KMT2A: variants seen among roughly 807,000 people sequenced by gnomAD.
The protein encoded by KMT2A is histone-lysine N-methyltransferase 2A.
In KMT2A, 16 loss-of-function variants were observed where a neutral mutation model predicts 345.3. The observed-to-expected ratio is 0.05, with a 90% CI of 0.03 to 0.07. KMT2A has a LOEUF of 0.07. Ranked by LOEUF, KMT2A falls within the 10% of genes least tolerant of loss-of-function variation. The probability of loss-of-function intolerance (pLI) is 1.00; values close to 1 mark genes in which losing one functional copy is unlikely to be tolerated. For missense variants in KMT2A, 3,272 were observed against 4,841.6 expected (o/e 0.68, Z 9.62); for synonymous variants, 1,599 against 1,778.6 (o/e 0.90, Z 2.54).
chr11:118,446,226 G>T (rs1476900699), intron 1 of KMT2A, among the ~76,000 whole-genome samples: 2 of 152,020 alleles, frequency 1.3e-5, no homozygotes, highest in Admixed American at 6.6e-5. Context: ...GTGCACACCT[G>T]CAATCCCAGC....
At position 118,501,734 on chromosome 11, in the gene KMT2A, C is replaced by T. The variant is rs1555045733; in HGVS notation, c.6382C>T (p.Pro2128Ser). The change falls in exon 26 of 36, where the codon CCT becomes TCT. Residue 2128 changes from proline to serine, a missense_variant. Transcript: ENST00000534358. Reference sequence around the variant, plus strand: ...TATAAGTCCTCCATCACCAGACCGACCTCCTCATTCACAAACCTCTGGCTC... The same window carrying T: ...TATAAGTCCTCCATCACCAGACCGATCTCCTCATTCACAAACCTCTGGCTC... ...EIISPPSPDRPPHSQTSGSCY... is the reference protein window; with the variant it reads ...EIISPPSPDRSPHSQTSGSCY... The T allele has an allele frequency of 6.2e-7, 1 of 1,614,084 alleles. No individual in the cohort carries two copies. Among genetic ancestry groups the T allele is most frequent in the African/African-American group, 1.3e-5 (1 of 75,020 alleles).
chr11:118,499,878 C>T lies in KMT2A; in HGVS notation c.6123C>T (p.Ser2041=), dbSNP rs546635239. 4.9e-5 allele frequency: 79 copies of T among 1,612,742 alleles called. No individual in the cohort carries two copies. The African/African-American group carries it at 9.1e-4, about 19-fold the overall frequency. The change falls in exon 24 of 36, where the codon TCC becomes TCT. Residue 2041 remains serine, a synonymous_variant. Transcript: ENST00000534358. ...IDCLGILNDL[S]DCEDKLFPIG... ...GCTTAGGAATTCTAAATGATCTCTCCGACTGTGAAGATAAGCTCTTTCCTA... is the reference window on the plus strand; with the variant it reads ...GCTTAGGAATTCTAAATGATCTCTCTGACTGTGAAGATAAGCTCTTTCCTA...
Position 118,519,367 on chromosome 11 carries a change from A to C in KMT2A, c.11147-251A>C, listed in dbSNP as rs9332858. On this transcript the variant is annotated intron_variant, in intron 31 of 35. Coordinates refer to ENST00000534358, the MANE Select transcript of KMT2A (RefSeq NM_001197104.2). ...TAGCATATAGCATTTCTGTGTAATA[A>C]AGCAAAATAGTCCATAGTTTGGTGG... 34,500 of 420,912 alleles carry C rather than the reference A, an allele frequency of 0.082. 2,352 individuals are homozygous for C. Among genetic ancestry groups the C allele is most frequent in the African/African-American group, 0.24 (12,365 of 51,202 alleles). The allele number at this position is 420,912 out of a possible 1,614,324, so 26.1% of individuals were successfully genotyped here.
chr11:118,481,815 C>T lies in KMT2A; in HGVS notation c.3735C>T (p.Thr1245=). ...KNVVDSSQKP[T]PSAREDPAPK... ...TGGTGGACTCTAGTCAGAAACCTAC[C>T]CCATCAGCAAGAGAGGATCCTGCCC... Residue 1245 remains threonine, a synonymous_variant, in exon 7 of 36, where the codon ACC becomes ACT. Transcript: ENST00000534358. 7 of 1,614,038 alleles carry T rather than the reference C, an allele frequency of 4.3e-6. No individual in the cohort carries two copies.
At position 118,497,387 on chromosome 11, in the gene KMT2A, T is replaced by G. The variant is rs1168754922; in HGVS notation, c.5665-549T>G. On this transcript the variant is annotated intron_variant, in intron 20 of 35. Transcript: ENST00000534358. The surrounding 1 kb of genome is among the most constrained non-coding windows in gnomAD (Gnocchi z 4.8). ...TGCACATTTTTATAAACTTACCACC[T>G]ATTGCTCTTTTTGTTTGTTTCCTTT... is the stretch of plus-strand genomic sequence containing the variant. Among the ~76,000 whole-genome samples, 2 of 152,156 alleles carry G rather than the reference T, an allele frequency of 1.3e-5. No individual in the cohort carries two copies. The highest frequency in any genetic ancestry group is 2.9e-5 in the Non-Finnish European group (2 of 68,020).
rs923423325 is a variant in KMT2A at position 118,436,991 on chromosome 11, G to A, written c.432+47G>A. ...AGGTCCGGGGTCTCGACCCTCTGCG[G>A]AGCCCCCTCCCCTCCCCCATCCGGG... On this transcript the variant is annotated intron_variant, in intron 1 of 35. Coordinates refer to ENST00000534358, the MANE Select transcript of KMT2A (RefSeq NM_001197104.2). The surrounding 1 kb of genome is among the most constrained non-coding windows in gnomAD (Gnocchi z 6.9). 2 of 1,380,362 alleles carry A rather than the reference G, an allele frequency of 1.4e-6. No individual in the cohort carries two copies. Among genetic ancestry groups the A allele is most frequent in the East Asian group, 5.9e-5 (2 of 34,048 alleles). The allele number at this position is 1,380,362 out of a possible 1,614,324, so 85.5% of individuals were successfully genotyped here. A position where few individuals can be genotyped will look rare whatever the true frequency, so the allele number is the denominator to read the frequency against.
intron 31 of KMT2A, among the ~76,000 whole-genome samples, chr11:118,516,483 A>G (rs1555051600): frequency 6.6e-6 from 1 of 152,176 alleles, no homozygotes; most frequent in African/African-American, 2.4e-5. Context: ...AAATTAAATT[A>G]ACTATGTTTT....
In KMT2A at chr11:118,482,640, T is replaced by C. The variant is rs1167891043; in HGVS notation, c.4086+145T>C. On this transcript the variant is annotated intron_variant, in intron 8 of 35. Transcript: ENST00000534358. ...AGTTTAGGCTTTTAGCTGGGCACGG[T>C]GGCTCACGCTGGTAATCCCAACACT... The C allele has an allele frequency of 2.6e-5, 15 of 573,990 alleles. No homozygotes were observed. In the Admixed American group the frequency reaches 4.6e-4, roughly 18 times the overall value. The allele number at this position is 573,990 out of a possible 1,614,324, so 35.6% of individuals were successfully genotyped here.
Position 118,474,301 on chromosome 11 carries a change from C to G in KMT2A, c.3142C>G (p.Gln1048Glu). 6.2e-7 allele frequency: 1 copy of G among 1,613,544 alleles called. No individual in the cohort carries two copies. Among genetic ancestry groups the G allele is most frequent in the Non-Finnish European group, 8.5e-7 (1 of 1,179,848 alleles). The change falls in exon 3 of 36, where the codon CAG (glutamine) becomes GAG (glutamate). Residue 1048 changes from glutamine to glutamate, a missense_variant. By Grantham distance (29) the Gln-to-Glu change is conservative. Around this residue, in one of 27 missense-constraint regions of KMT2A, gnomAD observed 29 missense variants for 27.1 expected, o/e 1.07. Transcript: ENST00000534358. ...EKSKSLKQTD[Q>E]PKAQGQESDS... ...GAGTAAGAGTCTTAAACAAACCGAC[C>G]AGCCCAAAGCACAGGTACTCTTTTC...
At position 118,521,399 on chromosome 11, in the gene KMT2A, A is replaced by G; in HGVS notation, c.11625A>G (p.Glu3875=). The part of the protein sequence containing the change: ...VIRSIQTDKR[E]KYYDSKGIGC... ...GCTCCATCCAGACTGACAAGCGGGA[A>G]AAGTATTACGACAGCAAGGTAAGTC... The change falls in exon 35 of 36, where the codon GAA becomes GAG. Residue 3875 remains glutamate (E), a synonymous_variant. Coordinates refer to ENST00000534358, the MANE Select transcript of KMT2A (RefSeq NM_001197104.2). The surrounding 1 kb of genome is among the most constrained non-coding windows in gnomAD (Gnocchi z 5.3). 1 of 1,614,184 alleles carries G rather than the reference A, an allele frequency of 6.2e-7. No homozygotes were observed.
rs781952112 is a variant in KMT2A, at chr11:118,499,826, C to T, written c.6080-9C>T. 5 of 1,597,910 alleles carry T rather than the reference C, an allele frequency of 3.1e-6. No individual in the cohort carries two copies. Among genetic ancestry groups the T allele is most frequent in the Non-Finnish European group, 4.3e-6 (5 of 1,165,556 alleles). On this transcript the variant is annotated splice_polypyrimidine_tract_variant and intron_variant, in intron 23 of 35. Coordinates refer to ENST00000534358, the MANE Select transcript of KMT2A (RefSeq NM_001197104.2). ...ATCTTCTCTAATCGGTTCTTCTTTC[C>T]TTGGTCAGGGTCTATGACAATCGAC... is the stretch of plus-strand genomic sequence containing the variant.
At position 118,520,162 on chromosome 11, in the gene KMT2A, G is replaced by A; in HGVS notation, c.11429+98G>A. 1.3e-6 allele frequency: 1 copy of A among 797,254 alleles called. No individual in the cohort carries two copies. The highest frequency in any genetic ancestry group is 2.0e-6 in the Non-Finnish European group (1 of 490,130). The allele number at this position is 797,254 out of a possible 1,614,324, so 49.4% of individuals were successfully genotyped here. Reference sequence around the variant, plus strand: ...GAATTTGTTTGCATCAGAATTTCCTGGATAAGATTTAAAAGGACTGAAAAC... The same window carrying A: ...GAATTTGTTTGCATCAGAATTTCCTAGATAAGATTTAAAAGGACTGAAAAC... On this transcript the variant is annotated intron_variant, in intron 33 of 35. Transcript: ENST00000534358. This position sits in a 1 kb window ranked among gnomAD's most constrained non-coding sequence, Gnocchi z 4.3.
At position 118,497,678 on chromosome 11, in the gene KMT2A, G is replaced by A. The variant is rs909761625; in HGVS notation, c.5665-258G>A. Among the ~76,000 whole-genome samples the A allele has an allele frequency of 1.3e-5, 2 of 152,196 alleles. No homozygotes were observed. The highest frequency in any genetic ancestry group is 2.9e-5 in the Non-Finnish European group (2 of 68,040). On this transcript the variant is annotated intron_variant, in intron 20 of 35. Coordinates refer to ENST00000534358, the MANE Select transcript of KMT2A (RefSeq NM_001197104.2). The surrounding 1 kb of genome is among the most constrained non-coding windows in gnomAD (Gnocchi z 4.8). ...CTCCAAAAGTGCTGGGATTACAGAC[G>A]TGAACCACCATACCCAGCTCATTTT...
chr11:118,475,059 G>A (rs9332777), intron 3 of KMT2A, among the ~76,000 whole-genome samples: 111 of 152,170 alleles, frequency 7.3e-4, no homozygotes, highest in Non-Finnish European at 1.2e-3. Context: ...CTTGAACCCC[G>A]GAGGTAGAGA....
Position 118,498,336 on chromosome 11 carries a change from T to A in KMT2A, c.5803-34T>A, listed in dbSNP as rs782211630. ...GTAAACGTCTTAAAACATATGAAAG[T>A]CTGAATAGGACTCTGTTCTTTTTGG... On this transcript the variant is annotated intron_variant, in intron 21 of 35. Coordinates refer to ENST00000534358, the MANE Select transcript of KMT2A (RefSeq NM_001197104.2). The surrounding 1 kb of genome is among the most constrained non-coding windows in gnomAD (Gnocchi z 4.4). The A allele has an allele frequency of 3.7e-5, 59 of 1,580,164 alleles. No individual in the cohort carries two copies. The highest frequency in any genetic ancestry group is 1.1e-4 in the Admixed American group (6 of 53,196).
At chr11:118,452,538 CA>C (rs1240436590) in intron 1 of KMT2A, among the ~76,000 whole-genome samples, 2 of 152,014 alleles carry the variant, frequency 1.3e-5, no homozygotes, top group Non-Finnish European at 2.9e-5. Flanking sequence ...TCTCAAAAAA[CA>C]AAACTTTTTC....
chr11:118,446,017 GA>G (rs567864448), intron 1 of KMT2A, among the ~76,000 whole-genome samples: 2 of 151,788 alleles, frequency 1.3e-5, no homozygotes, highest in South Asian at 4.2e-4. Context: ...AAAAAAGAAA[GA>G]AAAAAAGAAA....
Position 118,482,474 on chromosome 11 carries a change from A to C in KMT2A, c.4065A>C (p.Val1355=). Residue 1355 remains valine (V), a synonymous_variant, in exon 8 of 36, where the codon GTA becomes GTC. Coordinates refer to ENST00000534358, the MANE Select transcript of KMT2A (RefSeq NM_001197104.2). ...KKVAPRPSIP[V]KQKPKEKEKP... is the part of the protein sequence containing the mutation. Reference sequence around the variant, plus strand: ...TGGCTCCCCGCCCAAGTATCCCTGTAAAACAAAAACCAAAAGAAAAGGTGA... The same window carrying C: ...TGGCTCCCCGCCCAAGTATCCCTGTCAAACAAAAACCAAAAGAAAAGGTGA... 6.2e-7 allele frequency: 1 copy of C among 1,613,068 alleles called. No individual in the cohort carries two copies. The highest frequency in any genetic ancestry group is 8.5e-7 in the Non-Finnish European group (1 of 1,179,120).
intron 1 of KMT2A, among the ~76,000 whole-genome samples, chr11:118,465,438 T>C (rs1949825905): frequency 6.6e-6 from 1 of 152,230 alleles, no homozygotes; most frequent in East Asian, 1.9e-4. Flanking sequence ...AATTTTTATC[T>C]TTTAATTCCA....
Sources: gnomAD v4.1 joint callset for allele counts (sites outside exome capture counted in the v4.1 genomes callset) on GRCh38, gnomAD v4.1.1 for gene constraint, gnomAD v4.1.1 regional missense constraint, Gnocchi (gnomAD v3.1) non-coding constraint, MANE v1.5 for transcripts, NCBI Gene and HGNC (gene_info 2026-07-23, HGNC 2026-07-21) for gene names.